Variants in MIS18BP1 observed in about 807,000 individuals in gnomAD.
MIS18BP1 encodes the protein mis18-binding protein 1.
Under a neutral mutation model 116.1 loss-of-function variants are expected in MIS18BP1, and 72 were observed. That is an observed-to-expected ratio of 0.62 (90% CI 0.51 to 0.75). The LOEUF (loss-of-function observed/expected upper bound fraction) is 0.75, where lower values mean the gene tolerates loss of function less well. Ranked by LOEUF, MIS18BP1 falls within the 30% of genes least tolerant of loss-of-function variation. The pLI is 0.00. For missense variants in MIS18BP1, 1,363 were observed against 1,303.2 expected (o/e 1.05, Z -0.71); for synonymous variants, 386 against 427.0 (o/e 0.90, Z 1.18).
chr14:45,215,879 T>C (rs1038513851), intron 13 of MIS18BP1, among the ~76,000 whole-genome samples: 3 of 151,974 alleles, frequency 2.0e-5, no homozygotes, highest in Middle Eastern at 6.8e-3. Context: ...TAATTTTCTG[T>C]CTTTTTAGTA....
chr14:45,215,763 G>A (rs1341525397), intron 13 of MIS18BP1, among the ~76,000 whole-genome samples: 1 of 146,294 alleles, frequency 6.8e-6, no homozygotes, highest in Non-Finnish European at 1.5e-5. Context: ...GGAGTGCTGT[G>A]GCACCATCTC....
intron 4 of MIS18BP1, among the ~76,000 whole-genome samples, chr14:45,239,547 G>A (rs554603670): frequency 6.6e-6 from 1 of 152,268 alleles, no homozygotes; most frequent in Non-Finnish European, 1.5e-5. Context: ...TGAGGTTGGA[G>A]ATCTCCAGGA....
rs1358869656 is a variant in MIS18BP1 at position 45,246,802 on chromosome 14, T to C, written c.485A>G (p.Tyr162Cys). 1 of 1,591,108 alleles carries C rather than the reference T, an allele frequency of 6.3e-7. No homozygotes were observed. The highest frequency in any genetic ancestry group is 8.5e-7 in the Non-Finnish European group (1 of 1,174,236). ...RVEKKKLQHT[Y>C]LCEEKENNKS... ...GTTGTTTTCCTTTTCTTCACATAGG[T>C]AGGTATGCTGCAATTTTTTTTTTTC... The change falls in exon 2 of 17, where the codon TAC (tyrosine) becomes TGC (cysteine). Residue 162 changes from tyrosine (Y) to cysteine (C), a missense_variant. Tyr to Cys is a radical substitution (Grantham distance 194). Transcript: ENST00000310806.
At chr14:45,224,855 G>T in intron 10 of MIS18BP1, 109 bp from the exon 11 acceptor site, 1 of 823,116 alleles carries the variant, frequency 1.2e-6, no homozygotes, top group Non-Finnish European at 1.8e-6. Context: ...TTTTATCCAC[G>T]AGCTACACTG....
At chr14:45,235,682 A>G (rs779180472) in intron 6 of MIS18BP1, 132 bp downstream of exon 6, 29 of 652,108 alleles carry the variant, frequency 4.4e-5, no homozygotes, top group Non-Finnish European at 6.6e-5. Flanking sequence ...GTTTTATATA[A>G]TATCAGTTGT....
intron 6 of MIS18BP1, among the ~76,000 whole-genome samples, chr14:45,233,894 T>C (rs1891353587): frequency 6.6e-6 from 1 of 152,074 alleles, no homozygotes; most frequent in Non-Finnish European, 1.5e-5. Flanking sequence ...GAGGTCTTGG[T>C]TTGAGATATA....
At chr14:45,245,511 T>C (rs747773162) in intron 2 of MIS18BP1, among the ~76,000 whole-genome samples, 24 of 152,190 alleles carry the variant, frequency 1.6e-4, no homozygotes, top group Non-Finnish European at 1.5e-4. Context: ...ATTACAAGCA[T>C]GCGCCATCAA....
chr14:45,249,087 T>A (rs566698809), intron 1 of MIS18BP1, among the ~76,000 whole-genome samples: 133 of 151,028 alleles, frequency 8.8e-4, no homozygotes, highest in African/African-American at 3.1e-3. Context: ...TTTTTTTTTT[T>A]ACTTATTTGT....
At chr14:45,231,953 C>G (rs1891290181) in intron 7 of MIS18BP1, among the ~76,000 whole-genome samples, 1 of 152,162 alleles carries the variant, frequency 6.6e-6, no homozygotes. Flanking sequence ...GGAGGAAGAA[C>G]TGCACATTAG....
intron 13 of MIS18BP1, among the ~76,000 whole-genome samples, chr14:45,213,523 T>G (rs1323677785): frequency 6.6e-6 from 1 of 152,212 alleles, no homozygotes; most frequent in Non-Finnish European, 1.5e-5. Context: ...ATGTTTTCTG[T>G]AAATAATCAG....
Position 45,224,005 on chromosome 14 carries a change from T to C in MIS18BP1, c.2582A>G (p.Asp861Gly), listed in dbSNP as rs754623597. The change falls in exon 11 of 17, where the codon GAT becomes GGT. Residue 861 changes from aspartate (D) to glycine (G), a missense_variant. Coordinates refer to ENST00000310806, the MANE Select transcript of MIS18BP1 (RefSeq NM_018353.5). ...EFPITEAVGS[D>G]KTNRHPLECL... ...TTCTAAGGGATGCCTATTTGTCTTATCAGATCCTACTGCCTCAGTAATTGG... is the reference window on the plus strand; with the variant it reads ...TTCTAAGGGATGCCTATTTGTCTTACCAGATCCTACTGCCTCAGTAATTGG... 16 of 1,613,722 alleles carry C rather than the reference T, an allele frequency of 9.9e-6. No individual in the cohort carries two copies. The highest frequency in any genetic ancestry group is 1.4e-5 in the Non-Finnish European group (16 of 1,179,956).
intron 13 of MIS18BP1, among the ~76,000 whole-genome samples, chr14:45,211,138 G>A (rs1004828097): frequency 5.9e-5 from 9 of 152,012 alleles, no homozygotes; most frequent in South Asian, 2.1e-4. Flanking sequence ...GTGAACCTCC[G>A]TTTCTTTACC....
intron 1 of MIS18BP1, among the ~76,000 whole-genome samples, chr14:45,249,580 A>C (rs1891813660): frequency 6.6e-6 from 1 of 152,190 alleles, no homozygotes; most frequent in Non-Finnish European, 1.5e-5. Flanking sequence ...ATCAAAAATG[A>C]ATAAACTCGG....
At chr14:45,247,790 T>G (rs1304013218) in intron 1 of MIS18BP1, among the ~76,000 whole-genome samples, 2 of 152,146 alleles carry the variant, frequency 1.3e-5, no homozygotes, top group Admixed American at 1.3e-4. Flanking sequence ...ACAAATATAA[T>G]TTTTCCCTTT....
At chr14:45,220,748 G>C (rs1890950144) in intron 11 of MIS18BP1, among the ~76,000 whole-genome samples, 1 of 152,226 alleles carries the variant, frequency 6.6e-6, no homozygotes, top group South Asian at 2.1e-4. Context: ...AGAAATCAGG[G>C]AGAGGGAGGA....
chr14:45,239,988 T>A (rs896431073), intron 4 of MIS18BP1, among the ~76,000 whole-genome samples: 5 of 152,136 alleles, frequency 3.3e-5, no homozygotes, highest in Non-Finnish European at 7.4e-5. Context: ...AAATCAAGAA[T>A]AAGAATCTCA....
chr14:45,219,420 T>G (rs1219407288), intron 11 of MIS18BP1, among the ~76,000 whole-genome samples: 1 of 152,154 alleles, frequency 6.6e-6, no homozygotes, highest in Non-Finnish European at 1.5e-5. Context: ...ACTGTGGAGT[T>G]GATAAAACAC....
At chr14:45,242,693 A>G (rs1470703323) in intron 3 of MIS18BP1, 68 bp downstream of exon 3, 2 of 1,475,942 alleles carry the variant, frequency 1.4e-6, no homozygotes, top group African/African-American at 1.4e-5. Flanking sequence ...ACACAAGGAA[A>G]GTAATTACCT....
intron 14 of MIS18BP1, among the ~76,000 whole-genome samples, chr14:45,209,434 C>CGAAG (rs1324513507): frequency 4.6e-5 from 7 of 152,016 alleles, no homozygotes; most frequent in African/African-American, 7.2e-5. Flanking sequence ...CTCAAGCAAT[C>CGAAG]CTTCTACATC....
Sources: allele counts gnomAD v4.1 joint callset (sites outside exome capture counted in the v4.1 genomes callset), GRCh38; gene constraint gnomAD v4.1.1; transcripts MANE v1.5; gene names NCBI Gene and HGNC (gene_info 2026-07-23, HGNC 2026-07-21).